NRXN3: variants seen among roughly 807,000 people sequenced by gnomAD.
The protein encoded by NRXN3 is neurexin 3, also known as neurexin III.
In NRXN3, 32 loss-of-function variants were observed where a neutral mutation model predicts 137.6. The ratio of observed to expected loss-of-function variants is 0.23; its 90% CI spans 0.18 to 0.31. NRXN3 has a LOEUF of 0.31. NRXN3 is among the 10% of genes least tolerant of loss of function. NRXN3 has a pLI of 1.00. For missense variants in NRXN3, 1,574 were observed against 2,062.5 expected, an observed-to-expected ratio of 0.76 and a Z score of 4.59; for synonymous variants, 798 against 784.5, an observed-to-expected ratio of 1.02 and a Z score of -0.29.
chr14:78,354,030 T>C (rs2083924580), intron 4 of NRXN3, among the ~76,000 whole-genome samples: 1 of 152,238 alleles, frequency 6.6e-6, no homozygotes, highest in African/African-American at 2.4e-5. Flanking sequence ...CTGATTGATA[T>C]TTACTTGTCA....
At chr14:78,233,664 C>CT (rs1400079465) in intron 1 of NRXN3, among the ~76,000 whole-genome samples, 78 of 109,290 alleles carry the variant, frequency 7.1e-4, no homozygotes, top group African/African-American at 2.8e-3. Flanking sequence ...ACCGTGGGAT[C>CT]TTTTTTCCAA....
chr14:78,296,353 A>G (rs2076335609), intron 3 of NRXN3, among the ~76,000 whole-genome samples: 1 of 151,814 alleles, frequency 6.6e-6, no homozygotes, highest in Admixed American at 6.6e-5. Flanking sequence ...GGTGTGAGCC[A>G]CTCTTGTGAG....
rs377382708 is a variant in NRXN3 at position 78,218,714 on chromosome 14, C to A, written c.-703-23677C>A. 4.4e-4 allele frequency among the ~76,000 whole-genome samples: 67 copies of A among 152,314 alleles called. 1 individual carries two copies. In the South Asian group the frequency reaches 0.014, roughly 31 times the overall value. On this transcript the variant is annotated intron_variant, in intron 1 of 20. Transcript: ENST00000335750. Reference sequence around the variant, plus strand: ...TCAAATTTTCTACCTTCCCTCATTTCTTTTTCTTACCTTTGGGATTGGAAG... The same window carrying A: ...TCAAATTTTCTACCTTCCCTCATTTATTTTTCTTACCTTTGGGATTGGAAG...
chr14:78,976,359 G>A lies in NRXN3; in HGVS notation c.3142+8013G>A, dbSNP rs566833126. Among the ~76,000 whole-genome samples, 3 of 152,194 alleles carry A rather than the reference G, an allele frequency of 2.0e-5. No individual in the cohort carries two copies. The South Asian group carries it at 6.2e-4, about 32-fold the overall frequency. On this transcript the variant is annotated intron_variant, in intron 14 of 20. Coordinates refer to ENST00000335750, the MANE Select transcript of NRXN3 (RefSeq NM_001330195.2). ...CCCAGATGGTGAACACGTGGTCAGG[G>A]GATCCAGGATCCATTGGATCTGGGT...
At chr14:78,291,983 G>T (rs2153519141) in intron 3 of NRXN3, among the ~76,000 whole-genome samples, 1 of 152,246 alleles carries the variant, frequency 6.6e-6, no homozygotes, top group South Asian at 2.1e-4. Context: ...ACCCAGCCAG[G>T]GTGAAGGAAA....
At chr14:79,427,469 A>G (rs1185774711) in intron 15 of NRXN3, among the ~76,000 whole-genome samples, 1 of 151,984 alleles carries the variant, frequency 6.6e-6, no homozygotes, top group African/African-American at 2.4e-5. Flanking sequence ...AACACACACA[A>G]CACACACAAA....
intron 1 of NRXN3, among the ~76,000 whole-genome samples, chr14:78,203,256 C>T (rs938248734): frequency 1.3e-5 from 2 of 152,194 alleles, no homozygotes; most frequent in African/African-American, 4.8e-5. Flanking sequence ...GTTTCACCCC[C>T]AACCCCCATG....
intron 19 of NRXN3, among the ~76,000 whole-genome samples, chr14:79,745,020 GA>G (rs35666988): frequency 0.21 from 22,226 of 106,796 alleles, 2,657 homozygotes; most frequent in African/African-American, 0.41. Flanking sequence ...CATATCTTTA[GA>G]AAAAAAAAAA....
At chr14:78,489,319 T>A (rs1367189679) in intron 4 of NRXN3, among the ~76,000 whole-genome samples, 2 of 152,196 alleles carry the variant, frequency 1.3e-5, no homozygotes, top group East Asian at 3.8e-4. Context: ...TGTGAGATAT[T>A]ATTGAAACAG....
chr14:79,852,098 T>A (rs571687606), intron 20 of NRXN3, among the ~76,000 whole-genome samples: 2 of 152,250 alleles, frequency 1.3e-5, no homozygotes, highest in South Asian at 4.1e-4. Flanking sequence ...ATGTTAATTA[T>A]AACCCCTCTA....
chr14:78,483,052 T>C (rs1425030470), intron 4 of NRXN3, among the ~76,000 whole-genome samples: 2 of 152,198 alleles, frequency 1.3e-5, no homozygotes, highest in South Asian at 4.1e-4. Context: ...TTTTTGAGCA[T>C]GCTCTGTTTT....
intron 17 of NRXN3, among the ~76,000 whole-genome samples, chr14:79,672,818 T>C (rs1198393287): frequency 6.6e-6 from 1 of 152,096 alleles, no homozygotes; most frequent in African/African-American, 2.4e-5. Context: ...AGCATAGTTT[T>C]ATTTATGGGA....
At chr14:78,529,039 A>T (rs1379947419) in intron 4 of NRXN3, among the ~76,000 whole-genome samples, 4 of 152,154 alleles carry the variant, frequency 2.6e-5, no homozygotes, top group Non-Finnish European at 5.9e-5. Flanking sequence ...CCAATAACAC[A>T]TGGCTCTTGA....
chr14:79,233,423 G>T (rs1232283518), intron 15 of NRXN3, among the ~76,000 whole-genome samples: 1 of 152,100 alleles, frequency 6.6e-6, no homozygotes, highest in Non-Finnish European at 1.5e-5. Context: ...GTGCTGCCTA[G>T]CCTAGCAAGA....
intron 15 of NRXN3, among the ~76,000 whole-genome samples, chr14:79,391,851 A>C (rs187580417): frequency 3.2e-4 from 48 of 152,198 alleles, no homozygotes; most frequent in Non-Finnish European, 4.4e-4. Flanking sequence ...TCATCCATCC[A>C]GATCAGTATT....
chr14:79,166,572 G>A (rs1169462749), intron 15 of NRXN3, among the ~76,000 whole-genome samples: 1 of 150,258 alleles, frequency 6.7e-6, no homozygotes, highest in Non-Finnish European at 1.5e-5. Flanking sequence ...CTTGTCCAGA[G>A]GAATGAAAAT....
Position 78,957,310 on chromosome 14 carries a change from G to C in NRXN3, c.2344G>C (p.Val782Leu), listed in dbSNP as rs147472392. 11 of 1,614,146 alleles carry C rather than the reference G, an allele frequency of 6.8e-6. No homozygotes were observed. The highest frequency in any genetic ancestry group is 3.3e-4 in the Middle Eastern group (2 of 6,062). ...NDNEWHTVRV[V>L]RRGKSLKLTV... ...CAACGAGTGGCACACCGTTCGGGTG[G>C]TGCGGAGAGGAAAAAGCCTTAAGTT... Residue 782 changes from valine to leucine, a missense_variant, in exon 11 of 21, where the codon GTG becomes CTG. Coordinates refer to ENST00000335750, the MANE Select transcript of NRXN3 (RefSeq NM_001330195.2).
chr14:79,614,001 G>T (rs765970035), intron 16 of NRXN3, among the ~76,000 whole-genome samples: 11 of 152,124 alleles, frequency 7.2e-5, no homozygotes, highest in African/African-American at 9.7e-5. Flanking sequence ...AGTATCAAAA[G>T]GTCCATGCTT....
chr14:79,752,478 T>C (rs1002296341), intron 19 of NRXN3, among the ~76,000 whole-genome samples: 1 of 152,238 alleles, frequency 6.6e-6, no homozygotes, highest in Non-Finnish European at 1.5e-5. Flanking sequence ...AAGGATTCCC[T>C]ATTTAATAAA....
Sources: allele counts gnomAD v4.1 joint callset (sites outside exome capture counted in the v4.1 genomes callset), GRCh38; gene constraint gnomAD v4.1.1; transcripts MANE v1.5; gene names NCBI Gene and HGNC (gene_info 2026-07-23, HGNC 2026-07-21).